TBK1: variants seen among roughly 807,000 people sequenced by gnomAD.
The protein encoded by TBK1 is serine/threonine-protein kinase TBK1.
A neutral mutation model predicts 99.9 loss-of-function variants in TBK1; 37 were observed. The observed-to-expected ratio is 0.37, with a 90% confidence interval of 0.28 to 0.49. TBK1 has a LOEUF of 0.49. TBK1 is among the 20% of genes least tolerant of loss of function. The probability of loss-of-function intolerance (pLI) is 0.98; values close to 1 mark genes in which losing one functional copy is unlikely to be tolerated. For synonymous variants in TBK1, 258 were observed against 279.8 expected (o/e 0.92, Z 0.78); for missense variants, 644 against 872.5 (o/e 0.74, Z 3.30).
intron 12 of TBK1, among the ~76,000 whole-genome samples, chr12:64,488,950 C>G (rs1045383443): frequency 6.6e-6 from 1 of 152,192 alleles, no homozygotes; most frequent in Non-Finnish European, 1.5e-5. Flanking sequence ...TGAGATCATG[C>G]CACTGCACTC....
rs982595961 is a variant in TBK1 at position 64,464,404 on chromosome 12, A to G, written c.299A>G (p.Glu100Gly). ...GGGAGTTTATACACTGTTTTAGAAG[A>G]ACCTTCTAATGCCTATGGACTACCA... ...PCGSLYTVLE[E>G]PSNAYGLPES... Residue 100 changes from glutamate to glycine, a missense_variant, in exon 4 of 21, where the codon GAA (glutamate) becomes GGA (glycine). By Grantham distance (98) the Glu-to-Gly change is moderately conservative (BLOSUM62 -2). Around this residue, in one of 3 missense-constraint regions of TBK1, gnomAD observed 148 missense variants for 202.1 expected, o/e 0.73. Coordinates refer to ENST00000331710, the MANE Select transcript of TBK1 (RefSeq NM_013254.4). The G allele has an allele frequency of 1.2e-6, 2 of 1,607,962 alleles. No individual in the cohort carries two copies. The highest frequency in any genetic ancestry group is 1.7e-6 in the Non-Finnish European group (2 of 1,176,426).
intron 20 of TBK1, among the ~76,000 whole-genome samples, chr12:64,499,531 T>C (rs1237404731): frequency 6.6e-6 from 1 of 152,134 alleles, no homozygotes; most frequent in African/African-American, 2.4e-5. Context: ...GTTTGTTCAA[T>C]TTTCATTTTT....
Position 64,485,982 on chromosome 12 carries a change from T to C in TBK1, c.1305T>C (p.Tyr435=). The C allele has an allele frequency of 6.3e-7, 1 of 1,593,060 alleles. No homozygotes were observed. The highest frequency in any genetic ancestry group is 8.5e-7 in the Non-Finnish European group (1 of 1,170,806). ...ACRIASTLLL[Y]QELMRKGIRW... is the part of the protein sequence containing the mutation. ...GAATTGCCAGTACCTTACTGCTTTA[T>C]CAGGAATTAATGCGAAAGGGGATAC... The change falls in exon 11 of 21, where the codon TAT becomes TAC. Residue 435 remains tyrosine (Y), a synonymous_variant. Transcript: ENST00000331710.
chr12:64,485,369 ATTTAGACATT>A, intron 9 of TBK1, 76 bp from the exon 10 acceptor site: 1 of 580,600 alleles, frequency 1.7e-6, no homozygotes, highest in Non-Finnish European at 2.9e-6. Context: ...CTAATGTTTA[ATTTAGACATT>A]GTGTTTGCTC....
At chr12:64,493,437 G>A (rs1012891468) in intron 13 of TBK1, among the ~76,000 whole-genome samples, 9 of 151,710 alleles carry the variant, frequency 5.9e-5, no homozygotes, top group South Asian at 2.1e-4. Flanking sequence ...GACCAGCCTG[G>A]CCAATATGGT....
At chr12:64,498,736 G>C (rs952151489) in intron 20 of TBK1, among the ~76,000 whole-genome samples, 1 of 152,092 alleles carries the variant, frequency 6.6e-6, no homozygotes, top group Non-Finnish European at 1.5e-5. Context: ...CAGGCAGATT[G>C]CCTGAGCTCT....
chr12:64,496,852 T>G (rs1455813843), intron 16 of TBK1, 97 bp from the exon 17 acceptor site: 6 of 777,114 alleles, frequency 7.7e-6, no homozygotes, highest in Non-Finnish European at 1.2e-5. Context: ...CAACAATCAT[T>G]ATAGGAAAGA....
intron 7 of TBK1, among the ~76,000 whole-genome samples, chr12:64,481,527 CA>C (rs368006349): frequency 5.3e-4 from 81 of 152,232 alleles, no homozygotes; most frequent in African/African-American, 1.9e-3. Context: ...GAAGCTGAGA[CA>C]GGATACTTGA....
chr12:64,473,893 A>C (rs1278075623), intron 5 of TBK1, among the ~76,000 whole-genome samples: 5 of 152,150 alleles, frequency 3.3e-5, no homozygotes, highest in Admixed American at 1.3e-4. Context: ...GCCGAGATCA[A>C]GCCACTGCAC....
intron 5 of TBK1, 136 bp from the exon 6 acceptor site, chr12:64,474,094 A>G: frequency 1.2e-6 from 1 of 805,552 alleles, no homozygotes; most frequent in Non-Finnish European, 1.9e-6. Flanking sequence ...AAGATGTGAA[A>G]TAGTCTTTTC....
intron 13 of TBK1, among the ~76,000 whole-genome samples, chr12:64,493,472 C>G (rs2040893116): frequency 6.6e-6 from 1 of 151,682 alleles, no homozygotes; most frequent in African/African-American, 2.4e-5. Flanking sequence ...AATAAAAATA[C>G]AAAAATTAGC....
At position 64,497,187 on chromosome 12, in the gene TBK1, G is replaced by A. The variant is rs752047246; in HGVS notation, c.1887G>A (p.Gln629=). The change falls in exon 18 of 21, where the codon CAG becomes CAA. Residue 629 remains glutamine, a synonymous_variant. Coordinates refer to ENST00000331710, the MANE Select transcript of TBK1 (RefSeq NM_013254.4). ...GAAAGATGCTTCATCTTAGGAAACAGTTATTATCGCTGACTAATCAGTGTT... is the reference window on the plus strand; with the variant it reads ...GAAAGATGCTTCATCTTAGGAAACAATTATTATCGCTGACTAATCAGTGTT... ...WIRKMLHLRK[Q]LLSLTNQCFD... 2 of 1,600,500 alleles carry A rather than the reference G, an allele frequency of 1.2e-6. No individual in the cohort carries two copies. The highest frequency in any genetic ancestry group is 1.7e-6 in the Non-Finnish European group (2 of 1,172,400).
At chr12:64,479,062 T>TTCAG (rs1249398765) in intron 6 of TBK1, among the ~76,000 whole-genome samples, 1 of 152,244 alleles carries the variant, frequency 6.6e-6, no homozygotes, top group Non-Finnish European at 1.5e-5. Flanking sequence ...CTAAAGAATG[T>TTCAG]TCAGAGGTGA....
chr12:64,458,706 G>A (rs1175892847), intron 2 of TBK1, among the ~76,000 whole-genome samples: 1 of 152,078 alleles, frequency 6.6e-6, no homozygotes, highest in Non-Finnish European at 1.5e-5. Flanking sequence ...TTGCAAAATT[G>A]TATTATTTTC....
intron 9 of TBK1, 98 bp downstream of exon 9, chr12:64,484,597 CA>C: frequency 8.2e-7 from 1 of 1,214,460 alleles, no homozygotes; most frequent in Non-Finnish European, 1.1e-6. Flanking sequence ...AAAAATAAAA[CA>C]AAAATTAGTG....
At chr12:64,469,573 A>G (rs943625651) in intron 5 of TBK1, among the ~76,000 whole-genome samples, 1 of 152,148 alleles carries the variant, frequency 6.6e-6, no homozygotes, top group Non-Finnish European at 1.5e-5. Flanking sequence ...GCTTTGGTAC[A>G]AGGCAACTTC....
chr12:64,457,382 C>T (rs909884135), intron 2 of TBK1, among the ~76,000 whole-genome samples: 2 of 152,102 alleles, frequency 1.3e-5, no homozygotes, highest in Non-Finnish European at 2.9e-5. Flanking sequence ...CTGGGTACTC[C>T]GTCCTAGAAA....
rs780184060 is a variant in TBK1 at position 64,497,059 on chromosome 12, ACTT to A, written c.1862+13_1862+15del. The A allele has an allele frequency of 3.4e-5, 55 of 1,607,846 alleles. No individual in the cohort carries two copies. Among genetic ancestry groups the A allele is most frequent in the Non-Finnish European group, 4.0e-5 (47 of 1,175,462 alleles). ...TCAGAAGAATGGATAAGGTGAGTAA[ACTT>A]CTTTTGGAGTGATTAGTGGTTGACT... is the stretch of plus-strand genomic sequence containing the variant. On this transcript the variant is annotated intron_variant, in intron 17 of 20. Transcript: ENST00000331710.
chr12:64,497,625 T>TTC, intron 18 of TBK1, 23 bp from the exon 19 acceptor site: 4 of 1,381,930 alleles, frequency 2.9e-6, no homozygotes, highest in South Asian at 1.4e-5. Flanking sequence ...TTTTTTCTTT[T>TTC]TTTTTTTTTT....
Sources: allele counts gnomAD v4.1 joint callset (sites outside exome capture counted in the v4.1 genomes callset), GRCh38; gene constraint gnomAD v4.1.1; regional missense constraint gnomAD v4.1.1; transcripts MANE v1.5; gene names NCBI Gene and HGNC (gene_info 2026-07-23, HGNC 2026-07-21).